PALM2AKAP2: variants seen among roughly 807,000 people sequenced by gnomAD.
PALM2AKAP2 encodes the protein PALM2-AKAP2 fusion protein.
PALM2AKAP2 carries 37 observed loss-of-function variants against 71.5 expected under a neutral mutation model. That is an observed-to-expected ratio of 0.52 (90% CI 0.40 to 0.68). PALM2AKAP2 has a LOEUF of 0.68. Ranked by LOEUF, PALM2AKAP2 falls within the 30% of genes least tolerant of loss-of-function variation. The pLI is 0.00. For missense variants in PALM2AKAP2, 1,224 were observed against 1,191.8 expected (o/e 1.03, Z -0.40); for synonymous variants, 468 against 478.8 (o/e 0.98, Z 0.29).
intron 6 of PALM2AKAP2, among the ~76,000 whole-genome samples, chr9:109,994,980 T>A (rs1224596137): frequency 6.6e-6 from 1 of 152,216 alleles, no homozygotes; most frequent in Non-Finnish European, 1.5e-5. Flanking sequence ...CCACAGCATG[T>A]CTACAAGCCA....
intron 6 of PALM2AKAP2, among the ~76,000 whole-genome samples, chr9:109,965,074 A>G (rs902155064): frequency 3.9e-5 from 6 of 152,214 alleles, no homozygotes; most frequent in African/African-American, 1.4e-4. Context: ...AGAAAATAAA[A>G]TGTTTATTAG....
In PALM2AKAP2 at chr9:109,853,854, G is replaced by A. The variant is rs117022984; in HGVS notation, c.46-13637G>A. Among the ~76,000 whole-genome samples the A allele has an allele frequency of 4.7e-3, 711 of 152,272 alleles. 8 individuals carry two copies. Among genetic ancestry groups the A allele is most frequent in the East Asian group, 0.042 (216 of 5,184 alleles). The stretch of plus-strand genomic sequence containing the variant: ...TGTTCTTGACCTAAAGCTGAGCTCT[G>A]CTGTTTGGGGCTTGGCTTCTCTGAA... On this transcript the variant is annotated intron_variant, in intron 1 of 9. Transcript: ENST00000302798.
chr9:110,137,671 G>T (rs1193179854), exon 2 of PALM2AKAP2: 10 of 1,614,084 alleles, frequency 6.2e-6, no homozygotes, highest in South Asian at 1.1e-5. Context: ...TGGACGAATT[G>T]TCGGTGAGGT....
At chr9:110,045,086 A>G (rs1367968220), upstream of PALM2AKAP2, among the ~76,000 whole-genome samples, 1 of 93,694 alleles carries the variant, frequency 1.1e-5, no homozygotes, top group African/African-American at 4.2e-5. Flanking sequence ...TCAGGGGTGT[A>G]GTTTAAAGTG....
In PALM2AKAP2 at chr9:110,100,008, A is replaced by G. The variant is rs200970575; in HGVS notation, c.157-36119A>G. Among the ~76,000 whole-genome samples, 29 of 141,000 alleles carry G rather than the reference A, an allele frequency of 2.1e-4. 1 individual carries two copies. The highest frequency in any genetic ancestry group is 4.6e-4 in the South Asian group (2 of 4,332). The allele number at this position is 141,000 out of a possible 152,430, so 92.5% of individuals were successfully genotyped here. A position where few individuals can be genotyped will look rare whatever the true frequency, so the allele number is the denominator to read the frequency against. On this transcript the variant is annotated intron_variant, in intron 1 of 3. Coordinates refer to ENST00000374525, the Ensembl canonical transcript of PALM2AKAP2. ...TCACACATATAACATGCATATATAT[A>G]TGTGTGTGTGTGTCTTAAACATATA...
At chr9:109,804,017 G>C (rs1328657105) in intron 1 of PALM2AKAP2, among the ~76,000 whole-genome samples, 2 of 152,174 alleles carry the variant, frequency 1.3e-5, no homozygotes, top group African/African-American at 4.8e-5. Flanking sequence ...CTCCCAGGTA[G>C]CTCCAGAGAA....
intron 6 of PALM2AKAP2, among the ~76,000 whole-genome samples, chr9:109,951,489 T>C (rs1217958600): frequency 6.6e-6 from 1 of 152,254 alleles, no homozygotes; most frequent in East Asian, 1.9e-4. Flanking sequence ...TCTGTGTGTC[T>C]GTGCCCTGAT....
At chr9:110,060,045 C>G (rs988965562) in intron 1 of PALM2AKAP2, among the ~76,000 whole-genome samples, 2 of 152,074 alleles carry the variant, frequency 1.3e-5, no homozygotes, top group African/African-American at 4.8e-5. Context: ...GTCTACTAGG[C>G]TTTTTATTAT....
chr9:110,080,615 A>G (rs748687200), intron 1 of PALM2AKAP2, among the ~76,000 whole-genome samples: 3 of 152,202 alleles, frequency 2.0e-5, no homozygotes, highest in Non-Finnish European at 4.4e-5. Context: ...TCTTCTGTCT[A>G]TAAAAGCTGT....
intron 6 of PALM2AKAP2, among the ~76,000 whole-genome samples, chr9:109,956,269 C>T (rs1435795020): frequency 6.6e-6 from 1 of 152,098 alleles, no homozygotes; most frequent in East Asian, 1.9e-4. Context: ...TCTCCCAAAG[C>T]GCTGGGATTA....
chr9:110,119,275 A>G (rs947547579), intron 1 of PALM2AKAP2, among the ~76,000 whole-genome samples: 13 of 149,846 alleles, frequency 8.7e-5, no homozygotes, highest in Non-Finnish European at 1.5e-4. Flanking sequence ...CCCGGGAGGC[A>G]GAGGTTGCAG....
At position 110,034,604 on chromosome 9, in the gene PALM2AKAP2, C is replaced by CTTT. The variant is rs57708385; in HGVS notation, c.582+18586_582+18588dup. Among the ~76,000 whole-genome samples the CTTT allele has an allele frequency of 9.2e-3, 1,090 of 118,300 alleles. 25 individuals carry two copies. Among genetic ancestry groups the CTTT allele is most frequent in the African/African-American group, 0.031 (886 of 28,386 alleles). 77.6% of individuals were successfully genotyped at this position (118,300 alleles called of 152,430 possible). Reference sequence around the variant, plus strand: ...AATAACTATCAAGCCATATATTCCCCTTTTTTTTTTTTTTTTTTTTTTTGA... The same window carrying CTTT: ...AATAACTATCAAGCCATATATTCCCCTTTTTTTTTTTTTTTTTTTTTTTTTTGA... On this transcript the variant is annotated intron_variant, in intron 7 of 9. Transcript: ENST00000302798.
At chr9:109,811,032 A>T (rs550531465) in intron 1 of PALM2AKAP2, among the ~76,000 whole-genome samples, 4 of 152,154 alleles carry the variant, frequency 2.6e-5, no homozygotes, top group African/African-American at 9.6e-5. Flanking sequence ...GAGAGAAGAG[A>T]AGGTGTGAAA....
intron 1 of PALM2AKAP2, among the ~76,000 whole-genome samples, chr9:110,086,327 A>C (rs1834574117): frequency 6.6e-6 from 1 of 152,206 alleles, no homozygotes; most frequent in Non-Finnish European, 1.5e-5. Flanking sequence ...GGCAGTATAA[A>C]AGGTCTGAGA....
chr9:109,942,543 G>T, intron 6 of PALM2AKAP2: 1 of 831,622 alleles, frequency 1.2e-6, no homozygotes, highest in Non-Finnish European at 1.8e-6. Context: ...TATTCACAGT[G>T]CGCACCTCAC....
At chr9:109,964,978 AT>A (rs1831919102) in intron 6 of PALM2AKAP2, among the ~76,000 whole-genome samples, 1 of 152,142 alleles carries the variant, frequency 6.6e-6, no homozygotes, top group Non-Finnish European at 1.5e-5. Flanking sequence ...GTTTCTTGCC[AT>A]TGTCATTACC....
intron 1 of PALM2AKAP2, among the ~76,000 whole-genome samples, chr9:110,062,302 A>G (rs1305598084): frequency 2.6e-5 from 4 of 151,444 alleles, no homozygotes; most frequent in African/African-American, 7.3e-5. Flanking sequence ...GTCCATGTAT[A>G]CTCATTGTTC....
At chr9:110,047,593 A>G (rs907225435), upstream of PALM2AKAP2, among the ~76,000 whole-genome samples, 1 of 152,172 alleles carries the variant, frequency 6.6e-6, no homozygotes, top group African/African-American at 2.4e-5. Flanking sequence ...TGGAAACCTA[A>G]CTGAGAGTGC....
intron 6 of PALM2AKAP2, among the ~76,000 whole-genome samples, chr9:109,952,433 G>T (rs1263596728): frequency 2.0e-5 from 3 of 151,110 alleles, no homozygotes; most frequent in African/African-American, 7.4e-5. Context: ...GTTCTCATCT[G>T]GTTGGGTTCC....
Sources: gnomAD v4.1 joint callset for allele counts (sites outside exome capture counted in the v4.1 genomes callset) on GRCh38, gnomAD v4.1.1 for gene constraint, MANE v1.5 for transcripts, NCBI Gene and HGNC (gene_info 2026-07-23, HGNC 2026-07-21) for gene names.